The following CLCN7 variants were observed in gnomAD, a reference collection of about 807,000 sequenced individuals.
The protein encoded by CLCN7 is Cl-/H+ antiporter 7, also known as H(+)/Cl(-) exchange transporter 7.
In CLCN7, 60 loss-of-function variants were observed where a neutral mutation model predicts 102.1. That is an observed-to-expected ratio of 0.59 (90% confidence interval 0.48 to 0.73). CLCN7 has a LOEUF of 0.73. Among genes scored for constraint, CLCN7 ranks in the 30% least tolerant of loss-of-function variants. CLCN7 has a pLI of 0.00. For missense variants in CLCN7, 962 were observed against 1,125.7 expected (o/e 0.85, Z 2.08); for synonymous variants, 560 against 490.5 (o/e 1.14, Z -1.87).
intron 17 of CLCN7, chr16:1,449,597 G>C (rs2038710396): frequency 7.1e-6 from 4 of 561,498 alleles, no homozygotes; most frequent in African/African-American, 1.9e-5. Context: ...CAGCAGCCCA[G>C]GCCAACTAGG....
At chr16:1,474,291 C>T in intron 1 of CLCN7, 2 of 439,532 alleles carry the variant, frequency 4.6e-6, no homozygotes, top group Admixed American at 4.9e-5. Context: ...ACTCGTCACT[C>T]CCAAGATCAC....
intron 1 of CLCN7, chr16:1,467,606 A>C (rs1026289968): frequency 6.6e-6 from 1 of 152,428 alleles, no homozygotes; most frequent in African/African-American, 2.4e-5. Context: ...CCGATGCCCC[A>C]AACAGAGACC....
chr16:1,452,624 G>C, intron 15 of CLCN7, 131 bp downstream of exon 15: 1 of 969,012 alleles, frequency 1.0e-6, no homozygotes, highest in Non-Finnish European at 1.5e-6. Context: ...CCCTCTTTGA[G>C]ACACGCCAGC....
At chr16:1,446,946 G>C (rs969923539) in intron 24 of CLCN7, 60 bp downstream of exon 24, 2 of 1,453,166 alleles carry the variant, frequency 1.4e-6, no homozygotes, top group Non-Finnish European at 1.9e-6. Context: ...GAGTAAGCAC[G>C]GGCAGGAGGC....
intron 7 of CLCN7, among the ~76,000 whole-genome samples, chr16:1,458,010 G>A (rs532099965): frequency 5.3e-5 from 8 of 152,246 alleles, no homozygotes; most frequent in East Asian, 1.9e-4. Flanking sequence ...GGGTTCTTTC[G>A]TTTCCTTCCT....
Position 1,445,974 on chromosome 16 carries a change from G to A in CLCN7, c.*657C>T, listed in dbSNP as rs2038632651. ...CTCAGCTCTCAACATCACAGCACAG[G>A]GCCCGTGAGTCACCCCAGTCCTCTG... On this transcript the variant is annotated 3_prime_UTR_variant, in exon 25 of 25. Coordinates refer to ENST00000382745, the MANE Select transcript of CLCN7 (RefSeq NM_001287.6). 4.8e-6 allele frequency: 2 copies of A among 416,270 alleles called. No individual in the cohort carries two copies. Among genetic ancestry groups the A allele is most frequent in the Non-Finnish European group, 8.6e-6 (2 of 231,620 alleles). The allele number at this position is 416,270 out of a possible 1,614,324, so 25.8% of individuals were successfully genotyped here.
Position 1,460,462 on chromosome 16 carries a change from C to T in CLCN7, c.550G>A (p.Ala184Thr), listed in dbSNP as rs749870443. 34 of 1,613,686 alleles carry T rather than the reference C, an allele frequency of 2.1e-5. No homozygotes were observed. The highest frequency in any genetic ancestry group is 2.8e-5 in the Non-Finnish European group (33 of 1,179,972). The change falls in exon 6 of 25, where the codon GCC (alanine) becomes ACC (threonine). Residue 184 changes from alanine (A) to threonine (T), a missense_variant. By Grantham distance (58) the Ala-to-Thr change is moderately conservative. Transcript: ENST00000382745. ...ACAGAGCCCACGAGCACGAAGGCGG[C>T]GTTCAGCGTGGCCCACAGCAACAGG... The part of the protein sequence containing the change: ...FSLLLWATLN[A>T]AFVLVGSVIV...
chr16:1,473,992 G>C (rs985781823), intron 1 of CLCN7, among the ~76,000 whole-genome samples: 1 of 151,940 alleles, frequency 6.6e-6, no homozygotes, highest in African/African-American at 2.4e-5. Context: ...GCTGAGGCAG[G>C]AGAGTCACTT....
intron 1 of CLCN7, among the ~76,000 whole-genome samples, chr16:1,469,675 G>T (rs1204519049): frequency 6.6e-6 from 1 of 152,172 alleles, no homozygotes; most frequent in African/African-American, 2.4e-5. Context: ...GACAGAGGGA[G>T]ACTCCGTCAA....
At chr16:1,468,077 T>C (rs965165077) in intron 1 of CLCN7, among the ~76,000 whole-genome samples, 1 of 151,514 alleles carries the variant, frequency 6.6e-6, no homozygotes, top group Non-Finnish European at 1.5e-5. Context: ...GGCAAGACCC[T>C]ATCTCTAAAA....
intron 17 of CLCN7, 67 bp downstream of exon 17, chr16:1,450,430 G>A (rs1380602737): frequency 2.1e-5 from 31 of 1,454,116 alleles, no homozygotes; most frequent in South Asian, 1.6e-4. Flanking sequence ...CTTCTGCTCC[G>A]GCCCGCGATG....
At chr16:1,465,156 C>T in intron 2 of CLCN7, 111 bp downstream of exon 2, 1 of 969,996 alleles carries the variant, frequency 1.0e-6, no homozygotes, top group Non-Finnish European at 1.6e-6. Flanking sequence ...TCCCTGAACC[C>T]CGGCCCTGGG....
chr16:1,457,864 A>C lies in CLCN7; in HGVS notation c.676-108T>G. On this transcript the variant is annotated intron_variant, in intron 7 of 24. Transcript: ENST00000382745. This position sits in a 1 kb window ranked among gnomAD's most constrained non-coding sequence, Gnocchi z 5.4. ...CCCGATCAGGCAGAGTGGCTGGGACACGGGGCCTCCGGGAGGGGGCCAGCA... is the reference window on the plus strand; with the variant it reads ...CCCGATCAGGCAGAGTGGCTGGGACCCGGGGCCTCCGGGAGGGGGCCAGCA... The C allele has an allele frequency of 8.8e-7, 1 of 1,138,230 alleles. No homozygotes were observed. The highest frequency in any genetic ancestry group is 1.3e-5 in the South Asian group (1 of 79,612). The allele number at this position is 1,138,230 out of a possible 1,614,324, so 70.5% of individuals were successfully genotyped here. A position where few individuals can be genotyped will look rare whatever the true frequency, so the allele number is the denominator to read the frequency against.
chr16:1,456,073 G>A (rs2038830483), intron 10 of CLCN7, 40 bp downstream of exon 10: 2 of 1,465,248 alleles, frequency 1.4e-6, no homozygotes, highest in African/African-American at 1.4e-5. Flanking sequence ...CAACACACAG[G>A]GCGAGGGCAA....
rs930394724 is a variant in CLCN7, at chr16:1,445,182, G to C, written c.*1449C>G. On this transcript the variant is annotated 3_prime_UTR_variant, in exon 25 of 25. Coordinates refer to ENST00000382745, the MANE Select transcript of CLCN7 (RefSeq NM_001287.6). ...CCAGAGGAGGGAGGCTGAGGGGCGG[G>C]GACGAGGAAGAGGATGTGGCTGGTG... The C allele has an allele frequency of 6.6e-6, 1 of 152,144 alleles. No individual in the cohort carries two copies. The highest frequency in any genetic ancestry group is 1.5e-5 in the Non-Finnish European group (1 of 68,086). 9.4% of individuals were successfully genotyped at this position (152,144 alleles called of 1,614,324 possible).
intron 23 of CLCN7, 81 bp from the exon 24 acceptor site, chr16:1,447,167 C>G (rs1327862510): frequency 7.3e-7 from 1 of 1,374,938 alleles, no homozygotes; most frequent in Non-Finnish European, 1.0e-6. Flanking sequence ...CTCCCTGCAC[C>G]CCCCACCACG....
intron 1 of CLCN7, chr16:1,471,904 G>C (rs2142405778): frequency 6.6e-6 from 1 of 152,436 alleles, no homozygotes; most frequent in Middle Eastern, 3.4e-3. Context: ...TTCAAAGCCT[G>C]TTCATGTGCG....
intron 17 of CLCN7, chr16:1,449,955 G>C (rs1289745256): frequency 5.8e-6 from 1 of 173,398 alleles, no homozygotes; most frequent in Non-Finnish European, 1.2e-5. Flanking sequence ...CTTCCTGCCG[G>C]GGATGAGAAG....
At position 1,455,567 on chromosome 16, in the gene CLCN7, G is replaced by C. The variant is rs2038822109; in HGVS notation, c.981+164C>G. ...CCCAGGACCAAGGGCGAACTGGGCA[G>C]CAAAGGCAGGACCGCTGCTTTGGGC... is the stretch of plus-strand genomic sequence containing the variant. On this transcript the variant is annotated intron_variant, in intron 11 of 24. Coordinates refer to ENST00000382745, the MANE Select transcript of CLCN7 (RefSeq NM_001287.6). 22 of 808,892 alleles carry C rather than the reference G, an allele frequency of 2.7e-5. No individual in the cohort carries two copies. In the South Asian group the frequency reaches 3.2e-4, roughly 12 times the overall value. 50.1% of individuals were successfully genotyped at this position (808,892 alleles called of 1,614,324 possible).
Sources: allele counts gnomAD v4.1 joint callset (sites outside exome capture counted in the v4.1 genomes callset), GRCh38; gene constraint gnomAD v4.1.1; non-coding constraint Gnocchi (gnomAD v3.1); transcripts MANE v1.5; gene names NCBI Gene and HGNC (gene_info 2026-07-23, HGNC 2026-07-21).